Variants in OCA2 observed in about 807,000 individuals in gnomAD.
OCA2 encodes OCA2 melanosomal transmembrane protein, also known as P protein.
A neutral mutation model predicts 100.2 loss-of-function variants in OCA2; 77 were observed. The ratio of observed to expected loss-of-function variants is 0.77; its 90% CI spans 0.64 to 0.93. OCA2 has a LOEUF of 0.93. OCA2 is among the 40% of genes least tolerant of loss of function. OCA2 has a pLI of 0.00. For synonymous variants in OCA2, 432 were observed against 439.2 expected, an observed-to-expected ratio of 0.98 and a Z score of 0.21; for missense variants, 1,062 against 1,089.1, an observed-to-expected ratio of 0.98 and a Z score of 0.35.
At chr15:27,819,312 C>A (rs148051992) in intron 23 of OCA2, among the ~76,000 whole-genome samples, 2 of 152,266 alleles carry the variant, frequency 1.3e-5, no homozygotes, top group African/African-American at 4.8e-5. Context: ...CATACAGAGA[C>A]AGATGTCAAA....
At chr15:27,764,310 C>A (rs1438652794) in intron 23 of OCA2, among the ~76,000 whole-genome samples, 1 of 152,048 alleles carries the variant, frequency 6.6e-6, no homozygotes, top group Non-Finnish European at 1.5e-5. Context: ...CTGGCTTCAT[C>A]ATCTGCTTGC....
intron 23 of OCA2, among the ~76,000 whole-genome samples, chr15:27,756,504 CA>C (rs1396009841): frequency 6.6e-6 from 1 of 152,224 alleles, no homozygotes; most frequent in Non-Finnish European, 1.5e-5. Context: ...AAAAGAAACA[CA>C]GAACATATTT....
At position 27,990,560 on chromosome 15, in the gene OCA2, G is replaced by T; in HGVS notation, c.1116+16C>A. On this transcript the variant is annotated intron_variant, in intron 10 of 23. Coordinates refer to ENST00000354638, the MANE Select transcript of OCA2 (RefSeq NM_000275.3). ...CACTGAGTGGTAAGCCAGGGATTGG[G>T]ACTGTGACAACTTACATCGCCAATC... is the stretch of plus-strand genomic sequence containing the variant. The T allele has an allele frequency of 6.2e-7, 1 of 1,612,866 alleles. No individual in the cohort carries two copies.
chr15:27,856,727 C>T (rs1048488828), intron 21 of OCA2, among the ~76,000 whole-genome samples: 2 of 151,522 alleles, frequency 1.3e-5, no homozygotes, highest in African/African-American at 2.4e-5. Context: ...CACACACACA[C>T]ACACACATTT....
At chr15:27,985,390 A>T (rs891261599) in intron 12 of OCA2, among the ~76,000 whole-genome samples, 3 of 152,088 alleles carry the variant, frequency 2.0e-5, no homozygotes, top group African/African-American at 7.2e-5. Context: ...AATCCTCCCT[A>T]GCCAGCACTG....
chr15:27,720,647 A>G, the OCA2 span, among the ~76,000 whole-genome samples: 2 of 152,030 alleles, frequency 1.3e-5, no homozygotes, highest in African/African-American at 4.8e-5. Flanking sequence ...TCTGGTGGCA[A>G]AATTAGACCA....
chr15:27,991,149 A>G (rs1376402245), intron 9 of OCA2, among the ~76,000 whole-genome samples: 1 of 152,206 alleles, frequency 6.6e-6, no homozygotes, highest in Non-Finnish European at 1.5e-5. Context: ...AATATGAGAA[A>G]AGGCCAAGAT....
intron 22 of OCA2, among the ~76,000 whole-genome samples, chr15:27,848,185 T>A (rs774695654): frequency 5.5e-4 from 84 of 152,308 alleles, no homozygotes; most frequent in Non-Finnish European, 9.9e-4. Context: ...CCCATCCCTA[T>A]GCCAGTCCCT....
chr15:28,053,826 G>A (rs2043594641), intron 2 of OCA2, among the ~76,000 whole-genome samples: 1 of 152,198 alleles, frequency 6.6e-6, no homozygotes, highest in African/African-American at 2.4e-5. Flanking sequence ...ATCTTAGAAT[G>A]ACAAGACCAA....
chr15:28,082,774 T>C (rs2044690587), intron 1 of OCA2, among the ~76,000 whole-genome samples: 1 of 152,200 alleles, frequency 6.6e-6, no homozygotes, highest in African/African-American at 2.4e-5. Flanking sequence ...TTCTTTGGTT[T>C]TGTTTGATCT....
At chr15:27,936,361 G>C (rs922394965) in intron 18 of OCA2, among the ~76,000 whole-genome samples, 2 of 152,214 alleles carry the variant, frequency 1.3e-5, no homozygotes, top group African/African-American at 4.8e-5. Context: ...GCATCAGGCA[G>C]TTGCTATGGC....
intron 2 of OCA2, among the ~76,000 whole-genome samples, chr15:28,069,452 T>G (rs1441401479): frequency 1.0e-5 from 1 of 99,262 alleles, no homozygotes; most frequent in African/African-American, 4.8e-5. Context: ...CCGGTCTCCC[T>G]CTCATGCGGG....
chr15:27,742,687 T>C, the OCA2 span, among the ~76,000 whole-genome samples: 1 of 152,218 alleles, frequency 6.6e-6, no homozygotes, highest in Non-Finnish European at 1.5e-5. Flanking sequence ...CCTAACCGGC[T>C]ATAATCTGGC....
chr15:27,840,629 G>A (rs1475658488), intron 23 of OCA2, among the ~76,000 whole-genome samples: 1 of 152,202 alleles, frequency 6.6e-6, no homozygotes, highest in Non-Finnish European at 1.5e-5. Context: ...CTCAGCTGAT[G>A]AGTGACAGCT....
chr15:27,741,263 C>T, the OCA2 span, among the ~76,000 whole-genome samples: 1 of 152,126 alleles, frequency 6.6e-6, no homozygotes, highest in African/African-American at 2.4e-5. Flanking sequence ...AAATTAAAAC[C>T]AAACCCAGAC....
At chr15:27,899,904 T>C (rs2594897) in intron 19 of OCA2, among the ~76,000 whole-genome samples, 119,757 of 152,070 alleles carry the variant, frequency 0.79, 48,244 homozygotes, top group East Asian at 1. Flanking sequence ...CTTATTACTA[T>C]ACCCAGTGAC....
intron 23 of OCA2, among the ~76,000 whole-genome samples, chr15:27,811,575 A>G (rs1311331189): frequency 6.6e-6 from 1 of 152,208 alleles, no homozygotes; most frequent in East Asian, 1.9e-4. Flanking sequence ...ATGCAGGTCT[A>G]TTGATTTCTT....
chr15:27,765,299 G>T (rs570717786), intron 23 of OCA2, among the ~76,000 whole-genome samples: 7 of 152,112 alleles, frequency 4.6e-5, no homozygotes, highest in African/African-American at 1.2e-4. Flanking sequence ...CCTGGGCCTT[G>T]AAGCATGACA....
the OCA2 span, among the ~76,000 whole-genome samples, chr15:27,729,120 C>T: frequency 1.3e-5 from 2 of 152,116 alleles, no homozygotes; most frequent in African/African-American, 4.8e-5. Flanking sequence ...ATATCCAATA[C>T]CACATTCCCT....
Sources: gnomAD v4.1 joint callset for allele counts (sites outside exome capture counted in the v4.1 genomes callset) on GRCh38, gnomAD v4.1.1 for gene constraint, MANE v1.5 for transcripts, NCBI Gene and HGNC (gene_info 2026-07-23, HGNC 2026-07-21) for gene names.